Variants in LSAMP observed in about 807,000 individuals in gnomAD.
The protein encoded by LSAMP is limbic system-associated membrane protein.
A neutral mutation model predicts 38.6 loss-of-function variants in LSAMP; 7 were observed. The observed-to-expected ratio is 0.18, with a 90% confidence interval of 0.10 to 0.34. The LOEUF (loss-of-function observed/expected upper bound fraction) is 0.34, where lower values mean the gene tolerates loss of function less well. LSAMP is among the 10% of genes least tolerant of loss of function. LSAMP has a pLI of 1.00. For missense variants in LSAMP, 313 were observed against 420.0 expected (o/e 0.75, Z 2.23); for synonymous variants, 154 against 166.8 (o/e 0.92, Z 0.59).
chr3:116,318,246 C>T (rs528033428), intron 1 of LSAMP, among the ~76,000 whole-genome samples: 72 of 151,854 alleles, frequency 4.7e-4, no homozygotes, highest in African/African-American at 1.6e-3. Context: ...TCACATTAGT[C>T]GAAAGTTGGA....
intron 1 of LSAMP, among the ~76,000 whole-genome samples, chr3:116,086,993 A>C (rs996271642): frequency 2.0e-5 from 3 of 152,218 alleles, no homozygotes; most frequent in Non-Finnish European, 4.4e-5. Context: ...GATAGATTAA[A>C]GTTATACTCC....
chr3:116,250,274 T>G (rs536104306), intron 1 of LSAMP, among the ~76,000 whole-genome samples: 23 of 152,322 alleles, frequency 1.5e-4, no homozygotes, highest in African/African-American at 5.5e-4. Flanking sequence ...GTAACATATT[T>G]TTTTTGCTGC....
intron 3 of LSAMP, among the ~76,000 whole-genome samples, chr3:115,975,664 T>A (rs1939164651): frequency 6.6e-6 from 1 of 152,200 alleles, no homozygotes; most frequent in East Asian, 1.9e-4. Context: ...ATCCTACTTT[T>A]CTGACCACAG....
intron 3 of LSAMP, among the ~76,000 whole-genome samples, chr3:115,856,149 T>C (rs1388000732): frequency 6.6e-6 from 1 of 152,186 alleles, no homozygotes. Context: ...CTCAGATTAG[T>C]CACTCCATAA....
intron 1 of LSAMP, among the ~76,000 whole-genome samples, chr3:116,376,191 CTT>C (rs1189162535): frequency 6.6e-6 from 1 of 152,002 alleles, no homozygotes; most frequent in Admixed American, 6.6e-5. Context: ...AAGGAATGCT[CTT>C]TGAATTCTGA....
chr3:116,424,370 T>C (rs1466586822), intron 1 of LSAMP, among the ~76,000 whole-genome samples: 1 of 152,202 alleles, frequency 6.6e-6, no homozygotes, highest in Admixed American at 6.5e-5. Context: ...TGGGGAAATA[T>C]TTCCATTTCA....
intron 2 of LSAMP, among the ~76,000 whole-genome samples, chr3:116,079,664 G>A (rs1349384592): frequency 6.8e-6 from 1 of 146,250 alleles, no homozygotes; most frequent in Non-Finnish European, 1.5e-5. Flanking sequence ...AATGAAAGAA[G>A]CCTTATTGTA....
intron 3 of LSAMP, among the ~76,000 whole-genome samples, chr3:115,941,519 T>C (rs949458395): frequency 2.0e-5 from 3 of 152,014 alleles, no homozygotes; most frequent in African/African-American, 7.2e-5. Flanking sequence ...TGGAAACAGC[T>C]TAAATGTCCA....
chr3:116,076,995 A>G (rs902474612), intron 2 of LSAMP, among the ~76,000 whole-genome samples: 10 of 151,942 alleles, frequency 6.6e-5, no homozygotes, highest in African/African-American at 2.4e-4. Context: ...AGATAAATGC[A>G]CAAGTTACCA....
At chr3:116,236,607 T>C (rs1463512382) in intron 1 of LSAMP, among the ~76,000 whole-genome samples, 4 of 152,050 alleles carry the variant, frequency 2.6e-5, no homozygotes, top group African/African-American at 9.7e-5. Context: ...AAATAACAAG[T>C]ATCCTAACCA....
intron 1 of LSAMP, among the ~76,000 whole-genome samples, chr3:116,237,573 G>C (rs2107634803): frequency 6.6e-6 from 1 of 152,266 alleles, no homozygotes; most frequent in South Asian, 2.1e-4. Context: ...GTTATTACAA[G>C]GTATCTAGTT....
At chr3:116,117,540 C>T (rs1708779154) in intron 1 of LSAMP, among the ~76,000 whole-genome samples, 1 of 152,016 alleles carries the variant, frequency 6.6e-6, no homozygotes, top group Non-Finnish European at 1.5e-5. Context: ...AATATTTTAC[C>T]TAAGGTCCTT....
intron 1 of LSAMP, among the ~76,000 whole-genome samples, chr3:116,158,148 T>C (rs147529246): frequency 5.9e-4 from 90 of 152,212 alleles, no homozygotes; most frequent in African/African-American, 2.0e-3. Context: ...TTGTTAAAAG[T>C]CAACATCCCT....
chr3:116,413,953 C>A lies in LSAMP; in HGVS notation c.155+30924G>T, dbSNP rs190130544. The stretch of plus-strand genomic sequence containing the variant: ...AGGAAACTGCTTTTTGCAATCAGTC[C>A]TTTTTGTCCCTTTACCCTAATGCAT... On this transcript the variant is annotated intron_variant, in intron 1 of 6. Coordinates refer to ENST00000490035, the MANE Select transcript of LSAMP (RefSeq NM_002338.5). Among the ~76,000 whole-genome samples the A allele has an allele frequency of 3.7e-4, 56 of 151,580 alleles. No individual in the cohort carries two copies. The East Asian group carries it at 7.6e-3, about 20-fold the overall frequency.
At chr3:116,424,513 T>G (rs2049169062) in intron 1 of LSAMP, among the ~76,000 whole-genome samples, 1 of 152,172 alleles carries the variant, frequency 6.6e-6, no homozygotes, top group South Asian at 2.1e-4. Context: ...TTATAATCAA[T>G]TGAGGGTCAC....
At chr3:116,078,277 C>CA (rs149090036) in intron 2 of LSAMP, among the ~76,000 whole-genome samples, 2 of 150,088 alleles carry the variant, frequency 1.3e-5, no homozygotes, top group African/African-American at 4.9e-5. Flanking sequence ...TTTATATCCT[C>CA]TTTATTTATT....
intron 1 of LSAMP, among the ~76,000 whole-genome samples, chr3:116,184,554 T>C (rs1196759222): frequency 1.3e-5 from 2 of 151,800 alleles, no homozygotes; most frequent in East Asian, 3.9e-4. Context: ...GATTTGGGGG[T>C]ATCTTTAAAA....
chr3:115,821,623 T>C (rs1223580397), intron 6 of LSAMP, among the ~76,000 whole-genome samples: 1 of 152,186 alleles, frequency 6.6e-6, no homozygotes, highest in African/African-American at 2.4e-5. Context: ...GTTTTGAAAA[T>C]GACATAAGAA....
chr3:116,206,413 C>A (rs984007164), intron 1 of LSAMP, among the ~76,000 whole-genome samples: 2 of 150,170 alleles, frequency 1.3e-5, no homozygotes, highest in Non-Finnish European at 1.5e-5. Context: ...TTCAGTTCTG[C>A]TCTGATTTTA....
Sources: allele counts gnomAD v4.1 joint callset (sites outside exome capture counted in the v4.1 genomes callset), GRCh38; gene constraint gnomAD v4.1.1; transcripts MANE v1.5; gene names NCBI Gene and HGNC (gene_info 2026-07-23, HGNC 2026-07-21).